The following OXNAD1 variants were observed in gnomAD, a reference collection of about 807,000 sequenced individuals.
OXNAD1 encodes oxidoreductase NAD-binding domain-containing protein 1.
In OXNAD1, 34 loss-of-function variants were observed where a neutral mutation model predicts 32.9. The observed-to-expected ratio is 1.03, with a 90% CI of 0.79 to 1.38. The LOEUF (loss-of-function observed/expected upper bound fraction) is 1.38. Among genes scored for constraint, OXNAD1 ranks in the 40% most tolerant of loss-of-function variants. The probability of loss-of-function intolerance (pLI) is 0.00; values close to 1 mark genes in which losing one functional copy is unlikely to be tolerated. For synonymous variants in OXNAD1, 134 were observed against 135.2 expected (o/e 0.99, Z 0.06); for missense variants, 407 against 379.4 (o/e 1.07, Z -0.60).
At position 16,265,708 on chromosome 3, in the gene OXNAD1, G is replaced by A; in HGVS notation, c.-159+203G>A. 4.9e-6 allele frequency: 1 copy of A among 204,316 alleles called. No homozygotes were observed. Among genetic ancestry groups the A allele is most frequent in the Non-Finnish European group, 8.6e-6 (1 of 115,806 alleles). The allele number at this position is 204,316 out of a possible 1,614,324, so 12.7% of individuals were successfully genotyped here. ...AGTTATGTGCCAGCTATTGCACTAA[G>A]TGGAATTGTCAACTCTAGGAGTTTA... On this transcript the variant is annotated intron_variant, in intron 1 of 8. Transcript: ENST00000285083. This position sits in a 1 kb window ranked among gnomAD's most constrained non-coding sequence, Gnocchi z 4.8.
intron 1 of OXNAD1, among the ~76,000 whole-genome samples, chr3:16,268,542 G>A (rs1311477545): frequency 6.6e-6 from 1 of 151,700 alleles, no homozygotes; most frequent in Non-Finnish European, 1.5e-5. Context: ...TGTTGACCAG[G>A]CTGGTCTCAA....
At position 16,320,866 on chromosome 3, in the gene OXNAD1, A is replaced by C. The variant is rs958445759; in HGVS notation, c.*31-16246A>C. Among the ~76,000 whole-genome samples the C allele has an allele frequency of 2.0e-5, 3 of 152,232 alleles. No homozygotes were observed. The highest frequency in any genetic ancestry group is 4.4e-5 in the Non-Finnish European group (3 of 68,038). The stretch of plus-strand genomic sequence containing the variant: ...CCATCTTTGTCTTCAGAGTCATACA[A>C]AACTAGAACTCCTTTGAGCAGTGGG... On this transcript the variant is annotated intron_variant, in intron 9 of 9. Transcript: ENST00000435829. This position sits in a 1 kb window ranked among gnomAD's most constrained non-coding sequence, Gnocchi z 4.5.
Position 16,344,847 on chromosome 3 carries a change from G to A in OXNAD1, c.*31-4329G>A, listed in dbSNP as rs690023. On this transcript the variant is annotated intron_variant, in intron 9 of 9. Transcript: ENST00000606098. This position sits in a 1 kb window ranked among gnomAD's most constrained non-coding sequence, Gnocchi z 4.4. The stretch of plus-strand genomic sequence containing the variant: ...AAAGAACATATTTCAAGGAGTGGTA[G>A]TGAGTGAACACATAACTACAAGAAC... 0.4 allele frequency among the ~76,000 whole-genome samples: 61,142 copies of A among 152,080 alleles called. 12,745 individuals carry two copies. Among genetic ancestry groups the A allele is most frequent in the East Asian group, 0.51 (2,616 of 5,166 alleles).
At chr3:16,306,681 A>G (rs576651666), downstream of OXNAD1, among the ~76,000 whole-genome samples, 4 of 152,300 alleles carry the variant, frequency 2.6e-5, no homozygotes, top group South Asian at 4.1e-4. Flanking sequence ...AACCTGGCCT[A>G]TTGTATCCTC....
intron 4 of OXNAD1, chr3:16,276,722 G>A (rs28615687): frequency 2.0e-5 from 3 of 152,076 alleles, no homozygotes; most frequent in Admixed American, 2.0e-4. Flanking sequence ...TTCCATTTCA[G>A]AATTTTATAG....
Position 16,336,358 on chromosome 3 carries a change from T to G in OXNAD1, c.*31-754T>G, listed in dbSNP as rs2070848013. Among the ~76,000 whole-genome samples, 1 of 152,032 alleles carries G rather than the reference T, an allele frequency of 6.6e-6. No homozygotes were observed. The highest frequency in any genetic ancestry group is 6.5e-5 in the Admixed American group (1 of 15,274). ...GAACAAGCACATGGTTCCCATCCAG[T>G]GGAGCCCATGGAGGTGAGGTGGAGG... On this transcript the variant is annotated intron_variant, in intron 9 of 9. Coordinates refer to the OXNAD1 transcript ENST00000435829. This position sits in a 1 kb window ranked among gnomAD's most constrained non-coding sequence, Gnocchi z 6.0.
rs886478738 is a variant in OXNAD1 at position 16,297,884 on chromosome 3, T to C, written c.432+2887T>C. On this transcript the variant is annotated intron_variant, in intron 6 of 8. Coordinates refer to ENST00000285083, the MANE Select transcript of OXNAD1 (RefSeq NM_138381.5). The surrounding 1 kb of genome is among the most constrained non-coding windows in gnomAD (Gnocchi z 4.3). ...TTTTCAGGGGGTGATGGAACTAATA[T>C]ATGTTTTGATTTTGATGATTGTTAC... Among the ~76,000 whole-genome samples, 14 of 152,296 alleles carry C rather than the reference T, an allele frequency of 9.2e-5. No individual in the cohort carries two copies. Among genetic ancestry groups the C allele is most frequent in the Admixed American group, 4.6e-4 (7 of 15,304 alleles).
At position 16,320,710 on chromosome 3, in the gene OXNAD1, T is replaced by C. The variant is rs137999030; in HGVS notation, c.*31-16402T>C. ...CGAGTAGAGCTAGAAAGGAGGAGAA[T>C]GTCCTTGGCAGAGGGGACACGGAAG... is the stretch of plus-strand genomic sequence containing the variant. On this transcript the variant is annotated intron_variant, in intron 9 of 9. Coordinates refer to the OXNAD1 transcript ENST00000435829. This position sits in a 1 kb window ranked among gnomAD's most constrained non-coding sequence, Gnocchi z 4.5. Among the ~76,000 whole-genome samples, 277 of 152,234 alleles carry C rather than the reference T, an allele frequency of 1.8e-3. 2 individuals carry two copies. Among genetic ancestry groups the C allele is most frequent in the Middle Eastern group, 3.4e-3 (1 of 294 alleles).
At chr3:16,341,256 C>T (rs1432726794), downstream of OXNAD1, among the ~76,000 whole-genome samples, 2 of 152,210 alleles carry the variant, frequency 1.3e-5, no homozygotes, top group East Asian at 1.9e-4. The surrounding 1 kb of genome is among the most constrained non-coding windows in gnomAD (Gnocchi z 4.7). Context: ...CAGTTTCTTA[C>T]AAAACTAGAC....
At chr3:16,276,927 T>A (rs936253051) in intron 4 of OXNAD1, among the ~76,000 whole-genome samples, 1 of 26,210 alleles carries the variant, frequency 3.8e-5, no homozygotes, top group Non-Finnish European at 8.4e-5. Flanking sequence ...CTTTCTTTCT[T>A]TTTTTTTTTT....
rs1433852445 is a variant in OXNAD1, at chr3:16,303,459, TG to T, written c.837del (p.Leu279PhefsTer10). On this transcript the variant is annotated frameshift_variant, in exon 9 of 9. Coordinates refer to ENST00000285083, the MANE Select transcript of OXNAD1 (RefSeq NM_138381.5). LOFTEE classifies it high-confidence loss of function. The surrounding 1 kb of genome is among the most constrained non-coding windows in gnomAD (Gnocchi z 4.8). ...EIRDHISKET[L>X]FYICGPPPMT... ...AGAGATCATATTTCAAAAGAGACTT[TG>T]TTCTATATTTGTGGCCCACCTCCAA... 2 of 1,614,080 alleles carry T rather than the reference TG, an allele frequency of 1.2e-6. No homozygotes were observed. The highest frequency in any genetic ancestry group is 3.3e-5 in the Admixed American group (2 of 60,026).
At position 16,344,570 on chromosome 3, in the gene OXNAD1, C is replaced by T. The variant is rs2071517243; in HGVS notation, c.*31-4606C>T. ...GTTCTTATTCTTAGATCCCAAGGGC[C>T]ACCCAAGGTATTCTGTGGCCTCCCA... is the stretch of plus-strand genomic sequence containing the variant. On this transcript the variant is annotated intron_variant, in intron 9 of 9. Transcript: ENST00000606098. The surrounding 1 kb of genome is among the most constrained non-coding windows in gnomAD (Gnocchi z 4.4). Among the ~76,000 whole-genome samples, 1 of 152,044 alleles carries T rather than the reference C, an allele frequency of 6.6e-6. No homozygotes were observed. Among genetic ancestry groups the T allele is most frequent in the African/African-American group, 2.4e-5 (1 of 41,382 alleles).
At chr3:16,296,248 C>G (rs568248767) in intron 6 of OXNAD1, among the ~76,000 whole-genome samples, 1 of 151,386 alleles carries the variant, frequency 6.6e-6, no homozygotes, top group Middle Eastern at 3.4e-3. Flanking sequence ...TCTGGCCCAT[C>G]CCCCAATGTA....
intron 4 of OXNAD1, among the ~76,000 whole-genome samples, chr3:16,272,473 A>G (rs532001222): frequency 6.6e-6 from 1 of 152,288 alleles, no homozygotes; most frequent in Non-Finnish European, 1.5e-5. Context: ...GAAGGATTAT[A>G]TACTTCTACA....
intron 5 of OXNAD1, among the ~76,000 whole-genome samples, chr3:16,294,397 CG>C (rs1459484054): frequency 6.6e-6 from 1 of 151,906 alleles, no homozygotes; most frequent in Non-Finnish European, 1.5e-5. Context: ...TTAGTAGAGA[CG>C]GGGTTTCACC....
At chr3:16,337,980 G>C (rs2125276866), downstream of OXNAD1, among the ~76,000 whole-genome samples, 1 of 152,286 alleles carries the variant, frequency 6.6e-6, no homozygotes, top group Non-Finnish European at 1.5e-5. The surrounding 1 kb of genome is among the most constrained non-coding windows in gnomAD (Gnocchi z 5.0). Flanking sequence ...CTGGAAGAGA[G>C]AGATAAAAAC....
chr3:16,291,930 T>C (rs542128132), intron 5 of OXNAD1, among the ~76,000 whole-genome samples: 5 of 152,330 alleles, frequency 3.3e-5, no homozygotes, highest in Admixed American at 3.3e-4. Context: ...TCCACGTGGG[T>C]GTGAACTGCC....
At chr3:16,286,489 A>C in intron 5 of OXNAD1, 41 bp downstream of exon 5, 1 of 1,494,366 alleles carries the variant, frequency 6.7e-7, no homozygotes, top group Non-Finnish European at 9.3e-7. Flanking sequence ...ATGTTCAAGA[A>C]GGTGCCATCA....
downstream of OXNAD1, among the ~76,000 whole-genome samples, chr3:16,309,990 TAAG>T (rs2067855018): frequency 6.6e-6 from 1 of 152,326 alleles, no homozygotes; most frequent in Admixed American, 6.5e-5. Context: ...GTTGACAGAA[TAAG>T]AAGACATTGT....
Sources: gnomAD v4.1 joint callset for allele counts (sites outside exome capture counted in the v4.1 genomes callset) on GRCh38, gnomAD v4.1.1 for gene constraint, Gnocchi (gnomAD v3.1) non-coding constraint, MANE v1.5 for transcripts, NCBI Gene and HGNC (gene_info 2026-07-23, HGNC 2026-07-21) for gene names.